Variants in CLDN10 observed in about 807,000 individuals in gnomAD.
CLDN10 encodes the protein claudin 10, also known as claudin-10.
In CLDN10, 15 loss-of-function variants were observed where a neutral mutation model predicts 22.9. The observed-to-expected ratio is 0.65, with a 90% confidence interval of 0.44 to 1.01. The LOEUF is 1.01. Among genes scored for constraint, CLDN10 ranks in the 50% least tolerant of loss-of-function variants. The pLI, the probability that CLDN10 is intolerant of heterozygous loss-of-function variation, is 0.00. For synonymous variants in CLDN10, 114 were observed against 111.4 expected, an observed-to-expected ratio of 1.02 and a Z score of -0.15; for missense variants, 247 against 287.8, an observed-to-expected ratio of 0.86 and a Z score of 1.03.
At chr13:95,575,611 G>A (rs183480312) in intron 3 of CLDN10, among the ~76,000 whole-genome samples, 37 of 152,238 alleles carry the variant, frequency 2.4e-4, no homozygotes, top group African/African-American at 8.4e-4. Flanking sequence ...GTAGACTGAG[G>A]GTGTTTTTCC....
At chr13:95,543,238 T>TAAA (rs869260822) in intron 1 of CLDN10, among the ~76,000 whole-genome samples, 6 of 124,418 alleles carry the variant, frequency 4.8e-5, no homozygotes, top group African/African-American at 6.2e-5. Context: ...TCTCAAAAAA[T>TAAA]AAATAAATAA....
intron 3 of CLDN10, 119 bp downstream of exon 3, chr13:95,560,582 T>A: frequency 1.4e-6 from 1 of 736,866 alleles, no homozygotes; most frequent in African/African-American, 1.8e-5. Context: ...TGATAAATGG[T>A]AACTGATGAC....
chr13:95,443,884 CCA>C (rs1437858501), intron 1 of CLDN10, among the ~76,000 whole-genome samples: 2 of 152,100 alleles, frequency 1.3e-5, no homozygotes, highest in Non-Finnish European at 2.9e-5. Flanking sequence ...CAGCAAGGCC[CCA>C]AGTGCCAGAG....
Position 95,444,221 on chromosome 13 carries a change from C to A in CLDN10, c.214+10174C>A, listed in dbSNP as rs527544314. ...TCTTCTGAGCAAATGGTGTGCTGGG[C>A]TTAGTCATTTAAAACCTTCCTGCCC... is the stretch of plus-strand genomic sequence containing the variant. On this transcript the variant is annotated intron_variant, in intron 1 of 4. Coordinates refer to the CLDN10 transcript ENST00000376873. Among the ~76,000 whole-genome samples, 43 of 152,326 alleles carry A rather than the reference C, an allele frequency of 2.8e-4. No homozygotes were observed. In the South Asian group the frequency reaches 8.5e-3, roughly 30 times the overall value.
intron 1 of CLDN10, among the ~76,000 whole-genome samples, chr13:95,541,927 G>A (rs2043464153): frequency 6.6e-6 from 1 of 152,172 alleles, no homozygotes; most frequent in Non-Finnish European, 1.5e-5. Flanking sequence ...ATCTGAGACT[G>A]GGTAATTTAT....
At chr13:95,560,615 A>T (rs2043695704) in intron 3 of CLDN10, 152 bp downstream of exon 3, 1 of 635,720 alleles carries the variant, frequency 1.6e-6, no homozygotes, top group Admixed American at 2.9e-5. Context: ...TAAATGTGTC[A>T]TATGCCACAT....
intron 1 of CLDN10, among the ~76,000 whole-genome samples, chr13:95,531,206 A>G (rs1222073123): frequency 6.6e-6 from 1 of 152,180 alleles, no homozygotes; most frequent in African/African-American, 2.4e-5. Context: ...GGCGTGAGCC[A>G]CCACACCTGG....
chr13:95,559,932 C>T (rs755070757), intron 1 of CLDN10, among the ~76,000 whole-genome samples, 200 bp from the exon 2 acceptor site: 3 of 152,184 alleles, frequency 2.0e-5, no homozygotes, highest in Admixed American at 6.5e-5. Flanking sequence ...CCCCATAAAC[C>T]GCACTTCACA....
In CLDN10 at chr13:95,578,087, C is replaced by A; in HGVS notation, c.*73C>A. ...TGTTCACAAAATGATCCCATCAAGG[C>A]CCTCCCATAATTAACACTCAAAACT... is the stretch of plus-strand genomic sequence containing the variant. On this transcript the variant is annotated 3_prime_UTR_variant, in exon 5 of 5. Coordinates refer to ENST00000299339, the MANE Select transcript of CLDN10 (RefSeq NM_006984.5). 1.3e-6 allele frequency: 1 copy of A among 779,744 alleles called. No individual in the cohort carries two copies. Among genetic ancestry groups the A allele is most frequent in the Non-Finnish European group, 2.1e-6 (1 of 469,596 alleles). The allele number at this position is 779,744 out of a possible 1,614,324, so 48.3% of individuals were successfully genotyped here.
At chr13:95,548,987 C>T (rs1176841716), upstream of CLDN10, among the ~76,000 whole-genome samples, 2 of 152,214 alleles carry the variant, frequency 1.3e-5, no homozygotes, top group African/African-American at 4.8e-5. Flanking sequence ...TCCTATTGAA[C>T]AACCCCAGGG....
chr13:95,554,899 T>C (rs964640988), intron 1 of CLDN10, among the ~76,000 whole-genome samples: 1 of 152,184 alleles, frequency 6.6e-6, no homozygotes, highest in African/African-American at 2.4e-5. Flanking sequence ...TGTATTTCTG[T>C]AGACTCCATT....
intron 1 of CLDN10, among the ~76,000 whole-genome samples, chr13:95,480,642 C>A (rs907339761): frequency 6.6e-6 from 1 of 152,184 alleles, no homozygotes; most frequent in Non-Finnish European, 1.5e-5. Context: ...TGTTAGAATG[C>A]AGATCCCTTG....
intron 1 of CLDN10, among the ~76,000 whole-genome samples, chr13:95,500,892 G>C (rs73545010): frequency 0.077 from 11,781 of 152,074 alleles, 496 homozygotes; most frequent in Non-Finnish European, 0.086. Context: ...AATTCTCCTG[G>C]GAAACAAAGA....
chr13:95,509,788 C>T (rs149504926), intron 1 of CLDN10, among the ~76,000 whole-genome samples: 2 of 152,230 alleles, frequency 1.3e-5, no homozygotes, highest in Admixed American at 6.5e-5. Flanking sequence ...CTGCCACCAT[C>T]GTCTTTGTCT....
chr13:95,475,866 C>G (rs1053143626), intron 1 of CLDN10, among the ~76,000 whole-genome samples: 3 of 151,844 alleles, frequency 2.0e-5, no homozygotes, highest in African/African-American at 7.2e-5. Context: ...CACCCTCTCT[C>G]CCTGTCGGGA....
Position 95,560,364 on chromosome 13 carries a change from C to T in CLDN10, c.383-18C>T. The T allele has an allele frequency of 6.2e-7, 1 of 1,613,288 alleles. No individual in the cohort carries two copies. The highest frequency in any genetic ancestry group is 8.5e-7 in the Non-Finnish European group (1 of 1,179,232). ...GAAATCACACTAACCATAGTGCTTT[C>T]CCTCTAATATTTGTTAGGGCTGTGC... is the stretch of plus-strand genomic sequence containing the variant. On this transcript the variant is annotated intron_variant, in intron 2 of 4. Transcript: ENST00000299339.
intron 1 of CLDN10, among the ~76,000 whole-genome samples, chr13:95,464,890 C>A (rs372102604): frequency 6.6e-6 from 1 of 152,086 alleles, no homozygotes; most frequent in African/African-American, 2.4e-5. Context: ...CAGCACATGG[C>A]TAATTTTTGT....
intron 1 of CLDN10, among the ~76,000 whole-genome samples, chr13:95,440,877 G>T (rs904599935): frequency 6.6e-6 from 1 of 152,210 alleles, no homozygotes. Context: ...GCGCTGGAGC[G>T]GTCAGAATGA....
chr13:95,499,894 A>G (rs1490202707), intron 1 of CLDN10, among the ~76,000 whole-genome samples: 1 of 152,210 alleles, frequency 6.6e-6, no homozygotes, highest in Non-Finnish European at 1.5e-5. Context: ...CATAAAATAC[A>G]TGAACACTAA....
Sources: gnomAD v4.1 joint callset for allele counts (sites outside exome capture counted in the v4.1 genomes callset) on GRCh38, gnomAD v4.1.1 for gene constraint, MANE v1.5 for transcripts, NCBI Gene and HGNC (gene_info 2026-07-23, HGNC 2026-07-21) for gene names.